CDH18: variants seen among roughly 807,000 people sequenced by gnomAD.
CDH18 encodes the protein cadherin-18.
CDH18 carries 31 observed loss-of-function variants against 67.9 expected under a neutral mutation model. The observed-to-expected ratio is 0.46, with a 90% CI of 0.34 to 0.62. The LOEUF (loss-of-function observed/expected upper bound fraction) is 0.62, where lower values mean the gene tolerates loss of function less well. Among genes scored for constraint, CDH18 ranks in the 20% least tolerant of loss-of-function variants. The pLI is 0.01. For missense variants in CDH18, 890 were observed against 975.5 expected, an observed-to-expected ratio of 0.91 and a Z score of 1.17; for synonymous variants, 362 against 347.2, an observed-to-expected ratio of 1.04 and a Z score of -0.48.
intron 3 of CDH18, among the ~76,000 whole-genome samples, chr5:19,763,126 A>T (rs1460008203): frequency 6.6e-6 from 1 of 152,216 alleles, no homozygotes; most frequent in Non-Finnish European, 1.5e-5. Flanking sequence ...GAGGGATAGC[A>T]TTAGGAGAAA....
At chr5:19,906,625 T>C (rs1206780079) in intron 2 of CDH18, among the ~76,000 whole-genome samples, 3 of 152,026 alleles carry the variant, frequency 2.0e-5, no homozygotes, top group Admixed American at 6.6e-5. Flanking sequence ...TTGTACAAGA[T>C]GGTTTGAAGT....
rs780116948 is a variant in CDH18 at position 20,359,014 on chromosome 5, C to A, written c.-579-103509G>T. 4.0e-5 allele frequency among the ~76,000 whole-genome samples: 6 copies of A among 149,550 alleles called. No homozygotes were observed. In the East Asian group the frequency reaches 5.9e-4, roughly 15 times the overall value. On this transcript the variant is annotated intron_variant, in intron 1 of 14. Transcript: ENST00000507958. ...ATGGCGTGATCTCAGCTCACCGCAA[C>A]CTCCGCCTCCTGGTTCAAGTGATTC... is the stretch of plus-strand genomic sequence containing the variant.
chr5:20,251,681 T>C (rs1743870075), intron 2 of CDH18, among the ~76,000 whole-genome samples: 1 of 152,168 alleles, frequency 6.6e-6, no homozygotes, highest in African/African-American at 2.4e-5. Context: ...AAAAAGTGGA[T>C]GGCCTTGTAT....
chr5:20,212,262 A>T (rs1740413185), intron 2 of CDH18, among the ~76,000 whole-genome samples: 1 of 152,142 alleles, frequency 6.6e-6, no homozygotes, highest in African/African-American at 2.4e-5. Context: ...ACAGACTCCA[A>T]GAAATATGGG....
chr5:20,497,305 C>T (rs1295093628), intron 1 of CDH18, among the ~76,000 whole-genome samples: 3 of 152,112 alleles, frequency 2.0e-5, no homozygotes, highest in Non-Finnish European at 2.9e-5. Flanking sequence ...AAATATATCA[C>T]AGGCTAATTA....
intron 5 of CDH18, among the ~76,000 whole-genome samples, chr5:19,665,476 A>G (rs576072364): frequency 6.6e-6 from 1 of 152,206 alleles, no homozygotes; most frequent in East Asian, 1.9e-4. Flanking sequence ...GCTGCTTCTT[A>G]TCAGTAAATT....
intron 1 of CDH18, among the ~76,000 whole-genome samples, chr5:20,306,982 A>C (rs989140279): frequency 6.6e-6 from 1 of 152,100 alleles, no homozygotes; most frequent in African/African-American, 2.4e-5. Context: ...TCAAATAGAA[A>C]TTCTACTCAA....
chr5:20,339,954 T>G (rs1433208844), intron 1 of CDH18, among the ~76,000 whole-genome samples: 1 of 151,924 alleles, frequency 6.6e-6, no homozygotes, highest in Admixed American at 6.6e-5. Context: ...AGGGGAAGAG[T>G]ATTATCCAAT....
intron 9 of CDH18, among the ~76,000 whole-genome samples, chr5:19,525,661 T>G (rs949753665): frequency 6.6e-6 from 1 of 152,230 alleles, no homozygotes; most frequent in South Asian, 2.1e-4. Context: ...GAAAACTCAC[T>G]GTCACTTTAT....
intron 1 of CDH18, among the ~76,000 whole-genome samples, chr5:20,418,493 A>G (rs1189762084): frequency 1.3e-5 from 2 of 151,634 alleles, no homozygotes; most frequent in Non-Finnish European, 2.9e-5. Context: ...GTAACCCTGC[A>G]TACCTTCCTA....
chr5:20,123,012 A>G (rs1748493528), intron 2 of CDH18, among the ~76,000 whole-genome samples: 1 of 148,186 alleles, frequency 6.7e-6, no homozygotes. Flanking sequence ...AAATACCTAT[A>G]TAAGCTATTA....
intron 2 of CDH18, among the ~76,000 whole-genome samples, chr5:19,893,082 T>C (rs548393160): frequency 6.6e-6 from 1 of 152,244 alleles, no homozygotes; most frequent in East Asian, 1.9e-4. Flanking sequence ...CCCTCATGAA[T>C]GGCATTAGTG....
At chr5:19,689,564 C>T (rs2150415857) in intron 5 of CDH18, among the ~76,000 whole-genome samples, 1 of 151,890 alleles carries the variant, frequency 6.6e-6, no homozygotes, top group South Asian at 2.1e-4. Context: ...AGGCTTATAT[C>T]TATCATTGTG....
chr5:20,213,282 T>C (rs531335541), intron 2 of CDH18, among the ~76,000 whole-genome samples: 37 of 152,238 alleles, frequency 2.4e-4, no homozygotes, highest in African/African-American at 8.7e-4. Flanking sequence ...TTGATTAGTT[T>C]ACTGTCTTAT....
chr5:19,795,382 G>A (rs1282726150), intron 3 of CDH18, among the ~76,000 whole-genome samples: 2 of 152,160 alleles, frequency 1.3e-5, no homozygotes, highest in African/African-American at 4.8e-5. Context: ...GAAAACTGAA[G>A]TTCAGCAGTA....
chr5:19,547,829 T>C (rs891742366), intron 8 of CDH18, among the ~76,000 whole-genome samples: 3 of 152,152 alleles, frequency 2.0e-5, no homozygotes, highest in Admixed American at 1.3e-4. Context: ...ATTCACGAAG[T>C]TGCAATTGAA....
At chr5:20,533,286 C>G (rs1038062640) in intron 1 of CDH18, among the ~76,000 whole-genome samples, 3 of 152,012 alleles carry the variant, frequency 2.0e-5, no homozygotes, top group African/African-American at 7.2e-5. Context: ...GTCCAGACTT[C>G]AGAATTAAAA....
At chr5:20,517,770 C>T (rs1755468301) in intron 1 of CDH18, among the ~76,000 whole-genome samples, 1 of 151,960 alleles carries the variant, frequency 6.6e-6, no homozygotes, top group South Asian at 2.1e-4. Flanking sequence ...AAGAAAAAAT[C>T]TAAGTTTGCA....
intron 1 of CDH18, among the ~76,000 whole-genome samples, chr5:20,404,621 T>C (rs1746066160): frequency 6.6e-6 from 1 of 152,112 alleles, no homozygotes; most frequent in Non-Finnish European, 1.5e-5. Context: ...TTCATCATTT[T>C]ATAAGGGCAC....
Sources: gnomAD v4.1 joint callset for allele counts (sites outside exome capture counted in the v4.1 genomes callset) on GRCh38, gnomAD v4.1.1 for gene constraint, MANE v1.5 for transcripts, NCBI Gene and HGNC (gene_info 2026-07-23, HGNC 2026-07-21) for gene names.